Variants in PPIP5K1 observed in about 807,000 individuals in gnomAD.
PPIP5K1 encodes diphosphoinositol pentakisphosphate kinase 1.
Under a neutral mutation model 27.7 loss-of-function variants are expected in PPIP5K1, and 6 were observed. The ratio of observed to expected loss-of-function variants is 0.22; its 90% confidence interval spans 0.12 to 0.43. The LOEUF is 0.43. Among genes scored for constraint, PPIP5K1 ranks in the 20% least tolerant of loss-of-function variants. PPIP5K1 has a pLI of 1.00. For missense variants in PPIP5K1, 394 were observed against 635.4 expected, an observed-to-expected ratio of 0.62 and a Z score of 4.08; for synonymous variants, 145 against 242.6, an observed-to-expected ratio of 0.60 and a Z score of 3.74.
intron 30 of PPIP5K1, among the ~76,000 whole-genome samples, chr15:43,555,683 G>A (rs1022039902): frequency 2.6e-5 from 4 of 151,742 alleles, no homozygotes; most frequent in Admixed American, 1.3e-4. Flanking sequence ...CTCAGCTCAC[G>A]CAACTTCTGC....
chr15:43,536,095 A>G, intron 31 of PPIP5K1: 1 of 1,286,380 alleles, frequency 7.8e-7, no homozygotes, highest in South Asian at 1.2e-5. Context: ...AATGTAGAAA[A>G]ACCATGTAAA....
intron 30 of PPIP5K1, among the ~76,000 whole-genome samples, chr15:43,551,663 C>T (rs1186968009): frequency 1.8e-5 from 2 of 111,334 alleles, no homozygotes; most frequent in African/African-American, 4.7e-5. Context: ...AGTGCAGTGG[C>T]GGGATCTCGG....
At chr15:43,561,253 TACCTTAC>T (rs1242608324) in intron 28 of PPIP5K1, among the ~76,000 whole-genome samples, 1 of 96,178 alleles carries the variant, frequency 1.0e-5, no homozygotes. Context: ...AACCATCCTG[TACCTTAC>T]TGTTGTTTAA....
At chr15:43,545,283 CCAACAATGTA>C (rs1377615474) in intron 30 of PPIP5K1, among the ~76,000 whole-genome samples, 27 of 152,116 alleles carry the variant, frequency 1.8e-4, no homozygotes, top group Non-Finnish European at 4.0e-4. Flanking sequence ...TGTACCCCCA[CCAACAATGTA>C]CAGGATTTCT....
At chr15:43,538,934 G>A (rs757283063) in intron 31 of PPIP5K1, among the ~76,000 whole-genome samples, 8 of 152,136 alleles carry the variant, frequency 5.3e-5, no homozygotes, top group African/African-American at 1.2e-4. Flanking sequence ...CCCAAAGAGC[G>A]CTTTGAGGAA....
At chr15:43,540,825 G>T (rs1218548303) in intron 30 of PPIP5K1, among the ~76,000 whole-genome samples, 1 of 137,942 alleles carries the variant, frequency 7.2e-6, no homozygotes, top group Non-Finnish European at 1.5e-5. Context: ...TTGTGCCACT[G>T]CACTCTACCA....
At position 43,534,561 on chromosome 15, in the gene PPIP5K1, T is replaced by G; in HGVS notation, c.*113A>C. 1.1e-6 allele frequency: 1 copy of G among 916,162 alleles called. No individual in the cohort carries two copies. Among genetic ancestry groups the G allele is most frequent in the Non-Finnish European group, 1.6e-6 (1 of 615,730 alleles). 56.8% of individuals were successfully genotyped at this position (916,162 alleles called of 1,614,324 possible). On this transcript the variant is annotated 3_prime_UTR_variant, in exon 32 of 32. Transcript: ENST00000420765. ...TGTTGCTGGTGGAAGGGGTGAGTGC[T>G]GGTCATGGGCTAGAGACTGGCTCTG...
chr15:43,539,508 G>C lies in PPIP5K1; in HGVS notation c.3632C>G (p.Pro1211Arg). ...FSPPRTLHSP[P>R]LQLQQRSEKP... ...CTCAGAGCGCTGCTGGAGTTGCAGGGGAGGTGAATGAAGAGTACGTGGTGG... is the reference window on the plus strand; with the variant it reads ...CTCAGAGCGCTGCTGGAGTTGCAGGCGAGGTGAATGAAGAGTACGTGGTGG... Residue 1211 changes from proline (P) to arginine (R), a missense_variant, in exon 31 of 32, where the codon CCC becomes CGC. Transcript: ENST00000420765. The C allele has an allele frequency of 1.9e-6, 3 of 1,608,966 alleles. No individual in the cohort carries two copies. The highest frequency in any genetic ancestry group is 2.5e-6 in the Non-Finnish European group (3 of 1,177,062).
chr15:43,534,325 G>A lies in PPIP5K1; in HGVS notation c.*349C>T, dbSNP rs1256377842. 5.3e-6 allele frequency: 1 copy of A among 190,290 alleles called. No homozygotes were observed. The highest frequency in any genetic ancestry group is 1.1e-5 in the Non-Finnish European group (1 of 93,054). 11.8% of individuals were successfully genotyped at this position (190,290 alleles called of 1,614,324 possible). A position where few individuals can be genotyped will look rare whatever the true frequency, so the allele number is the denominator to read the frequency against. On this transcript the variant is annotated 3_prime_UTR_variant, in exon 32 of 32. Coordinates refer to ENST00000420765, the MANE Select transcript of PPIP5K1 (RefSeq NM_001394395.1). Reference sequence around the variant, plus strand: ...CCCACCCCAAGGAAATCCTATTCAAGTCTAATGGCTAAGTGAGGAGCCAAT... The same window carrying A: ...CCCACCCCAAGGAAATCCTATTCAAATCTAATGGCTAAGTGAGGAGCCAAT...
chr15:43,554,577 C>T lies in PPIP5K1; in HGVS notation c.3556+4218G>A, dbSNP rs546661935. ...TTTACTTTCAACCTATTTGTGTCTTCGGACCTAATGTGAGACTCTTCTCAA... is the reference window on the plus strand; with the variant it reads ...TTTACTTTCAACCTATTTGTGTCTTTGGACCTAATGTGAGACTCTTCTCAA... On this transcript the variant is annotated intron_variant, in intron 30 of 31. Transcript: ENST00000420765. Among the ~76,000 whole-genome samples, 5 of 151,350 alleles carry T rather than the reference C, an allele frequency of 3.3e-5. No individual in the cohort carries two copies. In the South Asian group the frequency reaches 8.3e-4, roughly 25 times the overall value.
At chr15:43,586,706 G>GATGATA (rs1444586840) in intron 1 of PPIP5K1, among the ~76,000 whole-genome samples, 284 of 96,548 alleles carry the variant, frequency 2.9e-3, no homozygotes, top group Middle Eastern at 0.011. Context: ...AAATAATGAT[G>GATGATA]ATAATAATAA....
intron 30 of PPIP5K1, among the ~76,000 whole-genome samples, chr15:43,544,901 G>A (rs972732102): frequency 2.0e-5 from 3 of 152,160 alleles, no homozygotes; most frequent in Middle Eastern, 3.2e-3. Flanking sequence ...TATTGGGGCC[G>A]GGCGTGGTGG....
At chr15:43,541,560 T>C (rs2080715348) in intron 30 of PPIP5K1, among the ~76,000 whole-genome samples, 1 of 151,938 alleles carries the variant, frequency 6.6e-6, no homozygotes, top group South Asian at 2.1e-4. Flanking sequence ...CTACAAAAAA[T>C]ACAAAAACTA....
chr15:43,567,521 C>T (rs2084250402), intron 26 of PPIP5K1, among the ~76,000 whole-genome samples: 1 of 854 alleles, frequency 1.2e-3, no homozygotes, highest in Non-Finnish European at 2.2e-3. Context: ...GGAAAGTTAC[C>T]AAAACCTTTC....
intron 31 of PPIP5K1, among the ~76,000 whole-genome samples, chr15:43,535,926 TGGA>T (rs1188905995): frequency 6.6e-6 from 1 of 152,152 alleles, no homozygotes; most frequent in South Asian, 2.1e-4. Context: ...AGGTGTAGTT[TGGA>T]GGAGGGAGGA....
chr15:43,541,572 C>G (rs1376694961), intron 30 of PPIP5K1, among the ~76,000 whole-genome samples: 4 of 151,960 alleles, frequency 2.6e-5, no homozygotes, highest in Non-Finnish European at 5.9e-5. Context: ...CAAAAACTAG[C>G]CAGGCGTGGT....
chr15:43,579,657 T>TTA (rs2084802576), intron 10 of PPIP5K1, among the ~76,000 whole-genome samples: 1 of 42,204 alleles, frequency 2.4e-5, no homozygotes, highest in Admixed American at 2.1e-4. Flanking sequence ...ATATATATTT[T>TTA]TTTTTTTTTT....
At chr15:43,565,601 G>A (rs1196905696) in intron 26 of PPIP5K1, among the ~76,000 whole-genome samples, 3 of 139,722 alleles carry the variant, frequency 2.1e-5, no homozygotes, top group Non-Finnish European at 4.6e-5. Flanking sequence ...CCAGGCTGCA[G>A]TGCAGTGGCA....
chr15:43,554,293 A>G (rs1471223901), intron 30 of PPIP5K1, among the ~76,000 whole-genome samples: 1 of 152,132 alleles, frequency 6.6e-6, no homozygotes, highest in Middle Eastern at 3.2e-3. Flanking sequence ...TGACCTCATT[A>G]TCAATATATG....
Sources: gnomAD v4.1 joint callset for allele counts (sites outside exome capture counted in the v4.1 genomes callset) on GRCh38, gnomAD v4.1.1 for gene constraint, MANE v1.5 for transcripts, NCBI Gene and HGNC (gene_info 2026-07-23, HGNC 2026-07-21) for gene names.